The following WFDC5 variants were observed in gnomAD, a reference collection of about 807,000 sequenced individuals.
The protein encoded by WFDC5 is WAP four-disulfide core domain 5, also known as WAP four-disulfide core domain protein 5.
WFDC5 carries 15 observed loss-of-function variants against 15.7 expected under a neutral mutation model. The ratio of observed to expected loss-of-function variants is 0.96; its 90% CI spans 0.64 to 1.47. WFDC5 has a LOEUF of 1.47. Ranked by LOEUF, WFDC5 falls within the 40% of genes most tolerant of loss-of-function variation. The pLI, the probability that WFDC5 is intolerant of heterozygous loss-of-function variation, is 0.00. For synonymous variants in WFDC5, 109 were observed against 107.7 expected (o/e 1.01, Z -0.07); for missense variants, 280 against 258.0 (o/e 1.09, Z -0.59).
intron 1 of WFDC5, among the ~76,000 whole-genome samples, chr20:45,111,803 T>C (rs1303808678): frequency 6.6e-6 from 1 of 152,206 alleles, no homozygotes; most frequent in East Asian, 1.9e-4. Flanking sequence ...CCACATGGGC[T>C]GGGCTTAGGA....
exon 4 of WFDC5, chr20:45,109,608 G>A (rs1345187509): frequency 1.3e-5 from 8 of 625,900 alleles, no homozygotes; most frequent in East Asian, 2.7e-5. Flanking sequence ...AATGACTGAT[G>A]TTTGGAAAAC....
chr20:45,115,827 A>T (rs1237923264), upstream of WFDC5, among the ~76,000 whole-genome samples: 1 of 152,102 alleles, frequency 6.6e-6, no homozygotes, highest in African/African-American at 2.4e-5. Context: ...TGAGCAAAAA[A>T]ATGTCATCTC....
exon 4 of WFDC5, chr20:45,109,832 A>G (rs754369836): frequency 2.2e-6 from 2 of 896,800 alleles, no homozygotes; most frequent in Non-Finnish European, 3.7e-6. Flanking sequence ...TCCCAGGAGG[A>G]GAAACCAGGG....
At chr20:45,111,079 C>T (rs1234569469) in intron 1 of WFDC5, among the ~76,000 whole-genome samples, 1 of 152,210 alleles carries the variant, frequency 6.6e-6, no homozygotes, top group Non-Finnish European at 1.5e-5. Flanking sequence ...CTCTCTAGCC[C>T]CATCCTCTAC....
chr20:45,109,671 G>T, exon 4 of WFDC5: 2 of 694,070 alleles, frequency 2.9e-6, no homozygotes, highest in East Asian at 2.7e-5. Context: ...AGAGGTCAGG[G>T]TCTGCCTGAA....
At chr20:45,109,941 G>A (rs753964644) in exon 4 of WFDC5, 1 of 1,609,786 alleles carries the variant, frequency 6.2e-7, no homozygotes, top group Non-Finnish European at 8.5e-7. Context: ...AGGGCCCCAG[G>A]CCTCCCATCG....
chr20:45,109,637 C>T, exon 4 of WFDC5: 2 of 649,306 alleles, frequency 3.1e-6, no homozygotes, highest in Non-Finnish European at 5.7e-6. Context: ...AATATTCATT[C>T]TGGATGGTTG....
Position 45,110,019 on chromosome 20 carries a change from G to A in WFDC5, c.394-6C>T, listed in dbSNP as rs369078829. On this transcript the variant is annotated splice_region_variant and splice_polypyrimidine_tract_variant and intron_variant, in intron 3 of 3. Transcript: ENST00000307971. ...GATCCTAAATCAGAATTAGCCTGAGGAGGGAGAAAGAAAGGGTTAATTCCT... is the reference window on the plus strand; with the variant it reads ...GATCCTAAATCAGAATTAGCCTGAGAAGGGAGAAAGAAAGGGTTAATTCCT... 3.4e-5 allele frequency: 54 copies of A among 1,611,354 alleles called. No individual in the cohort carries two copies. The highest frequency in any genetic ancestry group is 5.0e-5 in the Admixed American group (3 of 59,938).
exon 4 of WFDC5, chr20:45,109,722 T>C (rs1374464456): frequency 1.4e-6 from 1 of 716,304 alleles, no homozygotes; most frequent in Non-Finnish European, 2.6e-6. Flanking sequence ...TACGGATTGG[T>C]GTGAAAGCGT....
chr20:45,114,867 A>G (rs923782029), intron 1 of WFDC5, 132 bp downstream of exon 1: 68 of 875,672 alleles, frequency 7.8e-5, no homozygotes, highest in Admixed American at 1.0e-4. Flanking sequence ...ACACATACAC[A>G]CACGCACGCA....
chr20:45,112,256 C>T (rs1252155879), intron 1 of WFDC5, among the ~76,000 whole-genome samples: 1 of 152,150 alleles, frequency 6.6e-6, no homozygotes, highest in Non-Finnish European at 1.5e-5. Context: ...GTGCGCAGGC[C>T]TCAAAGGGTG....
At chr20:45,109,551 T>C in exon 4 of WFDC5, 1 of 594,576 alleles carries the variant, frequency 1.7e-6, no homozygotes, top group South Asian at 2.2e-5. Context: ...GCGTGCAACC[T>C]ATCATGGTGC....
upstream of WFDC5, among the ~76,000 whole-genome samples, chr20:45,115,882 C>T (rs1981748481): frequency 6.6e-6 from 1 of 152,156 alleles, no homozygotes; most frequent in African/African-American, 2.4e-5. Flanking sequence ...GATGTTGCCT[C>T]CTGCATTTGG....
At chr20:45,109,578 T>C (rs1981549713) in exon 4 of WFDC5, 1 of 613,830 alleles carries the variant, frequency 1.6e-6, no homozygotes. Flanking sequence ...GTAGGTATGG[T>C]GAAAATCATG....
At chr20:45,112,265 TG>T (rs1164440273) in intron 1 of WFDC5, among the ~76,000 whole-genome samples, 2 of 151,918 alleles carry the variant, frequency 1.3e-5, no homozygotes, top group Non-Finnish European at 2.9e-5. Context: ...CCTCAAAGGG[TG>T]GGCCAAACGG....
exon 1 of WFDC5, chr20:45,115,016 A>C: frequency 6.2e-7 from 1 of 1,613,710 alleles, no homozygotes; most frequent in Non-Finnish European, 8.5e-7. Flanking sequence ...CTTCCTGCCA[A>C]AGACAGCAGG....
At chr20:45,115,781 G>A (rs1286236460), upstream of WFDC5, among the ~76,000 whole-genome samples, 3 of 152,136 alleles carry the variant, frequency 2.0e-5, no homozygotes, top group East Asian at 1.9e-4. Flanking sequence ...GCAGATGTGT[G>A]GCCACTGGAA....
intron 1 of WFDC5, among the ~76,000 whole-genome samples, chr20:45,111,562 G>T (rs147283638): frequency 1.5e-4 from 23 of 152,188 alleles, no homozygotes; most frequent in African/African-American, 4.8e-4. Flanking sequence ...CTTCTGCACC[G>T]TTGCGTTCAT....
chr20:45,109,970 C>G, exon 4 of WFDC5: 3 of 1,614,124 alleles, frequency 1.9e-6, no homozygotes, highest in Non-Finnish European at 1.7e-6. Context: ...TTCCGTTGGT[C>G]CCCAGCTTAG....
Sources: allele counts gnomAD v4.1 joint callset (sites outside exome capture counted in the v4.1 genomes callset), GRCh38; gene constraint gnomAD v4.1.1; transcripts MANE v1.5; gene names NCBI Gene and HGNC (gene_info 2026-07-23, HGNC 2026-07-21).